The following TBC1D4 variants were observed in gnomAD, a reference collection of about 807,000 sequenced individuals.
TBC1D4 encodes the protein TBC1 domain family member 4, also known as TBC (Tre-2, BUB2, CDC16) domain-containing protein.
A neutral mutation model predicts 142.5 loss-of-function variants in TBC1D4; 121 were observed. The observed-to-expected ratio is 0.85, with a 90% CI of 0.73 to 0.99. The LOEUF (loss-of-function observed/expected upper bound fraction) is 0.99, where lower values mean the gene tolerates loss of function less well. Among genes scored for constraint, TBC1D4 ranks in the 50% least tolerant of loss-of-function variants. The probability of loss-of-function intolerance (pLI) is 0.00; values close to 1 mark genes in which losing one functional copy is unlikely to be tolerated. For synonymous variants in TBC1D4, 630 were observed against 628.2 expected, an observed-to-expected ratio of 1.00 and a Z score of -0.04; for missense variants, 1,475 against 1,606.6, an observed-to-expected ratio of 0.92 and a Z score of 1.40.
rs1874706674 is a variant in TBC1D4 at position 75,286,713 on chromosome 13, C to T, written c.*79G>A. On this transcript the variant is annotated 3_prime_UTR_variant, in exon 21 of 21. Transcript: ENST00000377636. Reference sequence around the variant, plus strand: ...TGGTTCCATCAGCTTCAGGGTCCAGCCTTGGGCCAGCGACATGCAGGCTCT... The same window carrying T: ...TGGTTCCATCAGCTTCAGGGTCCAGTCTTGGGCCAGCGACATGCAGGCTCT... The T allele has an allele frequency of 6.9e-7, 1 of 1,444,276 alleles. No individual in the cohort carries two copies. Among genetic ancestry groups the T allele is most frequent in the South Asian group, 1.2e-5 (1 of 82,866 alleles). The allele number at this position is 1,444,276 out of a possible 1,614,324, so 89.5% of individuals were successfully genotyped here.
At chr13:75,306,659 A>AG (rs1435210621) in intron 14 of TBC1D4, among the ~76,000 whole-genome samples, 188 bp from the exon 15 acceptor site, 1 of 152,168 alleles carries the variant, frequency 6.6e-6, no homozygotes, top group Non-Finnish European at 1.5e-5. Flanking sequence ...ATTTCATGTG[A>AG]GAAAAAAAAT....
At chr13:75,339,548 A>T (rs1416977265) in intron 7 of TBC1D4, among the ~76,000 whole-genome samples, 1 of 151,620 alleles carries the variant, frequency 6.6e-6, no homozygotes, top group Non-Finnish European at 1.5e-5. Context: ...GCATGGAGTA[A>T]GTTTGGGCAC....
chr13:75,459,605 A>G (rs759499556), intron 1 of TBC1D4, among the ~76,000 whole-genome samples: 7 of 152,048 alleles, frequency 4.6e-5, no homozygotes, highest in Non-Finnish European at 8.8e-5. Flanking sequence ...TTAAGGACCT[A>G]TATGCTTTCT....
At chr13:75,480,834 C>T (rs1242286188) in intron 1 of TBC1D4, among the ~76,000 whole-genome samples, 1 of 152,124 alleles carries the variant, frequency 6.6e-6, no homozygotes, top group Admixed American at 6.5e-5. Context: ...CCTCTAGGAA[C>T]CCAACCTTCT....
chr13:75,428,987 G>A (rs1886487594), intron 1 of TBC1D4, among the ~76,000 whole-genome samples: 1 of 152,168 alleles, frequency 6.6e-6, no homozygotes, highest in Non-Finnish European at 1.5e-5. Context: ...TGAATTAACT[G>A]TGGAAACTGC....
chr13:75,442,985 GTATCAT>G (rs1887111985), intron 1 of TBC1D4, among the ~76,000 whole-genome samples: 1 of 152,148 alleles, frequency 6.6e-6, no homozygotes, highest in Non-Finnish European at 1.5e-5. Flanking sequence ...ACTGCTACAT[GTATCAT>G]TGCTCTGTTT....
chr13:75,401,756 C>A (rs1885105796), intron 1 of TBC1D4, among the ~76,000 whole-genome samples: 1 of 152,132 alleles, frequency 6.6e-6, no homozygotes, highest in Non-Finnish European at 1.5e-5. Context: ...ATAAAGGCAA[C>A]AAGTTTTAAC....
chr13:75,377,801 A>G (rs990718773), intron 1 of TBC1D4, among the ~76,000 whole-genome samples: 1 of 151,400 alleles, frequency 6.6e-6, no homozygotes, highest in Non-Finnish European at 1.5e-5. Context: ...GGATCTTTCT[A>G]TCTACCTATC....
At chr13:75,387,402 A>G (rs148905398) in intron 1 of TBC1D4, among the ~76,000 whole-genome samples, 1,531 of 152,332 alleles carry the variant, frequency 0.01, 20 homozygotes, top group African/African-American at 0.034. Flanking sequence ...ATCTGAAACT[A>G]TATCAGTGAA....
Position 75,326,331 on chromosome 13 carries a change from G to A in TBC1D4, c.1899C>T (p.Ser633=). The part of the protein sequence containing the change: ...WQTFPEEDSD[S]PQFRRRAHTF... ...TGTGTGCCCGTCTTCGAAACTGCGG[G>A]GAGTCGGAATCCTCTTCGGGAAACG... The change falls in exon 10 of 21, where the codon TCC becomes TCT. Residue 633 remains serine, a synonymous_variant. Transcript: ENST00000377636. 6.2e-7 allele frequency: 1 copy of A among 1,614,122 alleles called. No individual in the cohort carries two copies. Among genetic ancestry groups the A allele is most frequent in the Non-Finnish European group, 8.5e-7 (1 of 1,180,030 alleles).
At chr13:75,470,677 G>A (rs1379425838) in intron 1 of TBC1D4, among the ~76,000 whole-genome samples, 1 of 152,186 alleles carries the variant, frequency 6.6e-6, no homozygotes, top group East Asian at 1.9e-4. Context: ...GCAAAAGACA[G>A]ATAAAAATCT....
At chr13:75,350,261 T>G (rs1275675330) in intron 4 of TBC1D4, among the ~76,000 whole-genome samples, 1 of 152,200 alleles carries the variant, frequency 6.6e-6, no homozygotes. Flanking sequence ...AAGCACATTT[T>G]TATATTCTTT....
At chr13:75,330,457 C>T (rs1015810180) in intron 8 of TBC1D4, among the ~76,000 whole-genome samples, 1 of 152,192 alleles carries the variant, frequency 6.6e-6, no homozygotes, top group African/African-American at 2.4e-5. Flanking sequence ...CCATATACTA[C>T]GTTAAGGATT....
chr13:75,454,884 T>C (rs959185181), intron 1 of TBC1D4, among the ~76,000 whole-genome samples: 7 of 152,208 alleles, frequency 4.6e-5, no homozygotes, highest in Non-Finnish European at 8.8e-5. Flanking sequence ...TACTCCAATA[T>C]AACCTTTCAT....
At chr13:75,409,857 T>C (rs1885532805) in intron 1 of TBC1D4, among the ~76,000 whole-genome samples, 2 of 152,334 alleles carry the variant, frequency 1.3e-5, no homozygotes, top group South Asian at 2.1e-4. Flanking sequence ...GATGTTAAGA[T>C]ACTAGTGTTA....
intron 1 of TBC1D4, among the ~76,000 whole-genome samples, chr13:75,367,627 C>G (rs998987966): frequency 4.6e-5 from 7 of 151,814 alleles, no homozygotes; most frequent in Non-Finnish European, 8.8e-5. Flanking sequence ...CAAACAGAGA[C>G]AGTATGGAAA....
In TBC1D4 at chr13:75,481,254, C is replaced by T. The variant is rs200392059; in HGVS notation, c.498+16G>A. ...AAGGCCGAGCCCGCCCCCGCGCCTCCGAGCCCCTGTCTTGCCTGGCTGGGG... is the reference window on the plus strand; with the variant it reads ...AAGGCCGAGCCCGCCCCCGCGCCTCTGAGCCCCTGTCTTGCCTGGCTGGGG... On this transcript the variant is annotated intron_variant, in intron 1 of 20. Transcript: ENST00000377636. 3.4e-3 allele frequency: 5,512 copies of T among 1,611,446 alleles called. 29 individuals are homozygous for T. Among genetic ancestry groups the T allele is most frequent in the Non-Finnish European group, 3.9e-3 (4,541 of 1,178,668 alleles).
chr13:75,427,497 A>G (rs1431627797), intron 1 of TBC1D4, among the ~76,000 whole-genome samples: 1 of 152,178 alleles, frequency 6.6e-6, no homozygotes. Flanking sequence ...CAGCCTGGCC[A>G]ACACAGAAAG....
intron 17 of TBC1D4, among the ~76,000 whole-genome samples, chr13:75,297,522 G>C (rs142656899): frequency 5.3e-5 from 8 of 152,120 alleles, no homozygotes; most frequent in Admixed American, 2.0e-4. Context: ...GGGAGGTCAA[G>C]GCAGGTGGAT....
Sources: gnomAD v4.1 joint callset for allele counts (sites outside exome capture counted in the v4.1 genomes callset) on GRCh38, gnomAD v4.1.1 for gene constraint, MANE v1.5 for transcripts, NCBI Gene and HGNC (gene_info 2026-07-23, HGNC 2026-07-21) for gene names.